ERGIC2: variants seen among roughly 807,000 people sequenced by gnomAD.
ERGIC2 encodes the protein ERGIC and golgi 2.
A neutral mutation model predicts 52.5 loss-of-function variants in ERGIC2; 31 were observed. The observed-to-expected ratio is 0.59, with a 90% CI of 0.44 to 0.80. The LOEUF (loss-of-function observed/expected upper bound fraction) is 0.80, where lower values mean the gene tolerates loss of function less well. ERGIC2 is among the 30% of genes least tolerant of loss of function. The pLI is 0.00. For synonymous variants in ERGIC2, 129 were observed against 140.6 expected, an observed-to-expected ratio of 0.92 and a Z score of 0.58; for missense variants, 395 against 455.2, an observed-to-expected ratio of 0.87 and a Z score of 1.20.
intron 6 of ERGIC2, among the ~76,000 whole-genome samples, chr12:29,360,930 AT>A (rs1459531643): frequency 1.3e-5 from 2 of 152,078 alleles, no homozygotes; most frequent in African/African-American, 2.4e-5. Context: ...TCACAAAAAA[AT>A]CTCATAACTT....
intron 8 of ERGIC2, among the ~76,000 whole-genome samples, chr12:29,350,892 T>C (rs1047081434): frequency 3.9e-5 from 6 of 152,122 alleles, no homozygotes; most frequent in Non-Finnish European, 8.8e-5. Flanking sequence ...TCACTAGTCA[T>C]TGAAACAACT....
In ERGIC2 at chr12:29,350,078, GA is replaced by G; in HGVS notation, c.573-11del. ...AGGATGTGGAATTGCCCTGAAAGGA[GA>G]AAAAACAATTATTAAAGTAGTACCA... On this transcript the variant is annotated splice_polypyrimidine_tract_variant and intron_variant, in intron 8 of 13. Coordinates refer to ENST00000360150, the MANE Select transcript of ERGIC2 (RefSeq NM_016570.3). 6.4e-7 allele frequency: 1 copy of G among 1,573,146 alleles called. No homozygotes were observed. Among genetic ancestry groups the G allele is most frequent in the Non-Finnish European group, 8.7e-7 (1 of 1,145,486 alleles).
In ERGIC2 at chr12:29,338,037, G is replaced by A. The variant is rs991735742; in HGVS notation, c.*3119C>T. The A allele has an allele frequency of 1.3e-5, 2 of 152,170 alleles. No homozygotes were observed. Among genetic ancestry groups the A allele is most frequent in the African/African-American group, 4.8e-5 (2 of 41,380 alleles). The allele number at this position is 152,170 out of a possible 1,614,324, so 9.4% of individuals were successfully genotyped here. A position where few individuals can be genotyped will look rare whatever the true frequency, so the allele number is the denominator to read the frequency against. Reference sequence around the variant, plus strand: ...AAATATAAAAAAATTAGCTGGGCTTGGTGGTACGCACCTGTAGTCCCAGCT... The same window carrying A: ...AAATATAAAAAAATTAGCTGGGCTTAGTGGTACGCACCTGTAGTCCCAGCT... On this transcript the variant is annotated 3_prime_UTR_variant, in exon 14 of 14. Coordinates refer to ENST00000360150, the MANE Select transcript of ERGIC2 (RefSeq NM_016570.3).
intron 8 of ERGIC2, among the ~76,000 whole-genome samples, chr12:29,355,887 A>C (rs1940195475): frequency 6.6e-6 from 1 of 152,322 alleles, no homozygotes; most frequent in African/African-American, 2.4e-5. Flanking sequence ...GTTTTGAAGT[A>C]GTTTTTAAAG....
At chr12:29,341,601 G>A in intron 13 of ERGIC2, 133 bp downstream of exon 13, 3 of 620,754 alleles carry the variant, frequency 4.8e-6, no homozygotes, top group Admixed American at 2.6e-5. Context: ...TCAAACTCCT[G>A]GGCTCAAGCG....
chr12:29,365,602 T>C (rs901930257), intron 5 of ERGIC2, among the ~76,000 whole-genome samples: 1 of 150,894 alleles, frequency 6.6e-6, no homozygotes, highest in African/African-American at 2.4e-5. Context: ...TCCATGAATC[T>C]AAACTAAAAG....
chr12:29,355,298 T>C (rs1310338699), intron 8 of ERGIC2, among the ~76,000 whole-genome samples: 1 of 152,220 alleles, frequency 6.6e-6, no homozygotes, highest in African/African-American at 2.4e-5. Flanking sequence ...GTGGATTTTC[T>C]TATAGAATGT....
intron 8 of ERGIC2, among the ~76,000 whole-genome samples, chr12:29,351,410 T>C (rs1052883921): frequency 7.9e-5 from 12 of 152,180 alleles, no homozygotes; most frequent in African/African-American, 2.4e-4. Context: ...TCAACTTCTA[T>C]AAAAATATTC....
At position 29,370,203 on chromosome 12, in the gene ERGIC2, T is replaced by A; in HGVS notation, c.126A>T (p.Thr42=). ...SGGTVSLIAF[T]TMALLTIMEF... is the part of the protein sequence containing the mutation. ...CCATTATGGTTAATAAAGCCATAGT[T>A]GTAAATGCTATTAGAGAAACTGGGA... is the stretch of plus-strand genomic sequence containing the variant. Residue 42 remains threonine (T), a synonymous_variant, in exon 3 of 14, where the codon ACA becomes ACT. Transcript: ENST00000360150. 1 of 1,546,650 alleles carries A rather than the reference T, an allele frequency of 6.5e-7. No homozygotes were observed. The highest frequency in any genetic ancestry group is 1.3e-5 in the South Asian group (1 of 77,586).
intron 1 of ERGIC2, among the ~76,000 whole-genome samples, chr12:29,379,692 T>C (rs1940560128): frequency 6.6e-6 from 1 of 152,282 alleles, no homozygotes; most frequent in East Asian, 1.9e-4. Context: ...ATGAGTTAAG[T>C]ATCATTATTT....
rs1334815462 is a variant in ERGIC2 at position 29,338,543 on chromosome 12, T to G, written c.*2613A>C. On this transcript the variant is annotated 3_prime_UTR_variant, in exon 14 of 14. Transcript: ENST00000360150. ...GCTGTAGTCCTACCTACTCAGCAGATGGAAGCAGGAGGATTGCTTGAACCC... is the reference window on the plus strand; with the variant it reads ...GCTGTAGTCCTACCTACTCAGCAGAGGGAAGCAGGAGGATTGCTTGAACCC... 6.6e-6 allele frequency: 1 copy of G among 151,960 alleles called. No individual in the cohort carries two copies. The highest frequency in any genetic ancestry group is 1.5e-5 in the Non-Finnish European group (1 of 68,072). 9.4% of individuals were successfully genotyped at this position (151,960 alleles called of 1,614,324 possible). A position where few individuals can be genotyped will look rare whatever the true frequency, so the allele number is the denominator to read the frequency against.
intron 1 of ERGIC2, among the ~76,000 whole-genome samples, chr12:29,377,469 C>T (rs1940530075): frequency 6.6e-6 from 1 of 152,114 alleles, no homozygotes; most frequent in Non-Finnish European, 1.5e-5. Flanking sequence ...ACTTATAAAA[C>T]CTAATATAAT....
chr12:29,344,102 T>C (rs1940008131), intron 11 of ERGIC2, among the ~76,000 whole-genome samples: 1 of 152,196 alleles, frequency 6.6e-6, no homozygotes, highest in Admixed American at 6.5e-5. Context: ...TTCCTATCAG[T>C]ATATAGAAAT....
At chr12:29,350,152 T>C (rs1940112203) in intron 8 of ERGIC2, 84 bp from the exon 9 acceptor site, 5 of 807,258 alleles carry the variant, frequency 6.2e-6, no homozygotes, top group Non-Finnish European at 1.0e-5. Flanking sequence ...TTCCCTAAGT[T>C]ATATAATTTT....
chr12:29,359,364 A>T (rs1023199798), intron 6 of ERGIC2, among the ~76,000 whole-genome samples: 2 of 152,036 alleles, frequency 1.3e-5, no homozygotes, highest in Non-Finnish European at 1.5e-5. Flanking sequence ...TGATGACAAC[A>T]AACTATACAT....
chr12:29,370,229 A>G lies in ERGIC2; in HGVS notation c.107-7T>C. 1 of 1,535,692 alleles carries G rather than the reference A, an allele frequency of 6.5e-7. No individual in the cohort carries two copies. On this transcript the variant is annotated splice_polypyrimidine_tract_variant and splice_region_variant and intron_variant, in intron 2 of 13. Transcript: ENST00000360150. ...GTAAATGCTATTAGAGAAACTGGGA[A>G]ATCCAACAACAAAAGAAAAACAGAA... is the stretch of plus-strand genomic sequence containing the variant.
At position 29,367,122 on chromosome 12, in the gene ERGIC2, C is replaced by T. The variant is rs549100357; in HGVS notation, c.263-175G>A. ...TTTGTCCAAAAGCTAAAACAGTAGC[C>T]TTATATAGCTTAGGTGGAGATTATT... On this transcript the variant is annotated intron_variant, in intron 4 of 13. Transcript: ENST00000360150. Among the ~76,000 whole-genome samples, 5 of 150,216 alleles carry T rather than the reference C, an allele frequency of 3.3e-5. No homozygotes were observed. The South Asian group carries it at 6.3e-4, about 19-fold the overall frequency.
At position 29,375,586 on chromosome 12, in the gene ERGIC2, A is replaced by C. The variant is rs144926728; in HGVS notation, c.-37-3916T>G. 8.7e-4 allele frequency among the ~76,000 whole-genome samples: 132 copies of C among 152,330 alleles called. No homozygotes were observed. The East Asian group carries it at 0.021, about 24-fold the overall frequency. On this transcript the variant is annotated intron_variant, in intron 1 of 13. Transcript: ENST00000360150. ...AATAAAACAGTGAATTACATTTCTAAAAGTTTATATAAATGTTATATTTGT... is the reference window on the plus strand; with the variant it reads ...AATAAAACAGTGAATTACATTTCTACAAGTTTATATAAATGTTATATTTGT...
chr12:29,377,720 T>A (rs1469891658), intron 1 of ERGIC2, among the ~76,000 whole-genome samples: 1 of 152,202 alleles, frequency 6.6e-6, no homozygotes, highest in Non-Finnish European at 1.5e-5. Flanking sequence ...ACAGACATTA[T>A]CAACACTCAC....
Sources: gnomAD v4.1 joint callset for allele counts (sites outside exome capture counted in the v4.1 genomes callset) on GRCh38, gnomAD v4.1.1 for gene constraint, MANE v1.5 for transcripts, NCBI Gene and HGNC (gene_info 2026-07-23, HGNC 2026-07-21) for gene names.